Variants in ZNF609 observed in about 807,000 individuals in gnomAD.
ZNF609 encodes the protein zinc finger protein 609.
Under a neutral mutation model 109.5 loss-of-function variants are expected in ZNF609, and 11 were observed. The observed-to-expected ratio is 0.10, with a 90% confidence interval of 0.06 to 0.17. The LOEUF is 0.17. Among genes scored for constraint, ZNF609 ranks in the 10% least tolerant of loss-of-function variants. The pLI, the probability that ZNF609 is intolerant of heterozygous loss-of-function variation, is 1.00. For synonymous variants in ZNF609, 646 were observed against 662.0 expected (o/e 0.98, Z 0.37); for missense variants, 1,559 against 1,772.4 (o/e 0.88, Z 2.16).
intron 2 of ZNF609, among the ~76,000 whole-genome samples, chr15:64,612,216 C>T (rs371088054): frequency 1.9e-4 from 29 of 150,310 alleles, no homozygotes; most frequent in East Asian, 8.1e-4. Context: ...GGCGCGACCT[C>T]GGCTCACTGC....
At chr15:64,460,542 C>T (rs1326065700), upstream of ZNF609, among the ~76,000 whole-genome samples, 3 of 152,132 alleles carry the variant, frequency 2.0e-5, no homozygotes, top group East Asian at 5.8e-4. Context: ...ATCCGAGGGC[C>T]TGGCAGTCCA....
chr15:64,500,066 C>G lies in ZNF609; in HGVS notation c.647C>G (p.Ala216Gly). The G allele has an allele frequency of 6.2e-7, 1 of 1,614,120 alleles. No homozygotes were observed. The highest frequency in any genetic ancestry group is 8.5e-7 in the Non-Finnish European group (1 of 1,180,026). The stretch of plus-strand genomic sequence containing the variant: ...GCTGTGGAGCCACTTGGGAGTATAG[C>G]TATTGAGCCTGGGGCAGCGCTCAAT... ...TGAVEPLGSI[A>G]IEPGAALNPL... The change falls in exon 2 of 10, where the codon GCT (alanine) becomes GGT (glycine). Residue 216 changes from alanine (A) to glycine (G), a missense_variant. Physicochemically the swap from Ala to Gly is moderately conservative, Grantham distance 60. Coordinates refer to ENST00000326648, the MANE Select transcript of ZNF609 (RefSeq NM_015042.2).
At chr15:64,528,679 G>C in intron 2 of ZNF609, 1 of 1,165,290 alleles carries the variant, frequency 8.6e-7, no homozygotes, top group Non-Finnish European at 1.3e-6. Context: ...ACTCCTTGGA[G>C]GCATTGTGGG....
At chr15:64,543,761 C>A (rs1203073346) in intron 2 of ZNF609, among the ~76,000 whole-genome samples, 1 of 152,108 alleles carries the variant, frequency 6.6e-6, no homozygotes, top group Admixed American at 6.6e-5. Flanking sequence ...CTTTTTAAAT[C>A]AAAAACTAGT....
At chr15:64,541,883 C>T (rs1894271404) in intron 2 of ZNF609, among the ~76,000 whole-genome samples, 1 of 151,156 alleles carries the variant, frequency 6.6e-6, no homozygotes, top group Non-Finnish European at 1.5e-5. Context: ...TCTTCTCTTG[C>T]CCTTCCCTTT....
rs1421151409 is a variant in ZNF609 at position 64,685,384 on chromosome 15, C to G, written c.*3698C>G. 1.3e-5 allele frequency: 2 copies of G among 152,758 alleles called. No individual in the cohort carries two copies. Among genetic ancestry groups the G allele is most frequent in the African/African-American group, 4.8e-5 (2 of 41,432 alleles). 9.5% of individuals were successfully genotyped at this position (152,758 alleles called of 1,614,324 possible). A position where few individuals can be genotyped will look rare whatever the true frequency, so the allele number is the denominator to read the frequency against. On this transcript the variant is annotated 3_prime_UTR_variant, in exon 10 of 10. Transcript: ENST00000326648. The stretch of plus-strand genomic sequence containing the variant: ...GATCTTCCTGGCCCTGCTCCATATG[C>G]ATCCTCAGCTTCACTTTCCCTGGCT...
intron 2 of ZNF609, among the ~76,000 whole-genome samples, chr15:64,621,174 G>T (rs549340838): frequency 7.9e-5 from 12 of 152,308 alleles, no homozygotes; most frequent in African/African-American, 2.9e-4. Flanking sequence ...CTGCTGATTA[G>T]TATCATACTT....
intron 2 of ZNF609, among the ~76,000 whole-genome samples, chr15:64,576,546 G>A (rs1198724262): frequency 6.6e-6 from 1 of 152,098 alleles, no homozygotes; most frequent in South Asian, 2.1e-4. Context: ...TAACTTCCAT[G>A]CCCTATTCTA....
rs1317066693 is a variant in ZNF609 at position 64,460,846 on chromosome 15, C to T, written c.-128+8C>T. 4 of 143,086 alleles carry T rather than the reference C, an allele frequency of 2.8e-5. No individual in the cohort carries two copies. Among genetic ancestry groups the T allele is most frequent in the Admixed American group, 7.1e-5 (1 of 14,112 alleles). 8.9% of individuals were successfully genotyped at this position (143,086 alleles called of 1,614,324 possible). ...CCCGGGACCGGCCGCGCGGTGAGTCCGGAGCTTTGTGTGGAGCCGGGACTG... is the reference window on the plus strand; with the variant it reads ...CCCGGGACCGGCCGCGCGGTGAGTCTGGAGCTTTGTGTGGAGCCGGGACTG... On this transcript the variant is annotated splice_region_variant and intron_variant, in intron 1 of 9. Coordinates refer to ENST00000326648, the MANE Select transcript of ZNF609 (RefSeq NM_015042.2).
At chr15:64,476,922 C>T (rs1893178559) in intron 1 of ZNF609, among the ~76,000 whole-genome samples, 2 of 152,058 alleles carry the variant, frequency 1.3e-5, no homozygotes, top group Admixed American at 1.3e-4. Context: ...TAAAAATAAG[C>T]TTTCAAAGAG....
intron 3 of ZNF609, among the ~76,000 whole-genome samples, chr15:64,656,979 C>T (rs1896498038): frequency 6.6e-6 from 1 of 152,194 alleles, no homozygotes. Flanking sequence ...GTAGTATGGG[C>T]CAGGCACAGT....
intron 3 of ZNF609, among the ~76,000 whole-genome samples, chr15:64,660,529 G>A (rs1401644790): frequency 2.0e-5 from 3 of 152,132 alleles, no homozygotes; most frequent in African/African-American, 4.8e-5. Flanking sequence ...AAGTTATGAC[G>A]GAGACTGTGT....
intron 2 of ZNF609, among the ~76,000 whole-genome samples, chr15:64,612,771 T>C (rs1212451308): frequency 1.3e-5 from 2 of 152,064 alleles, no homozygotes; most frequent in East Asian, 3.9e-4. Flanking sequence ...TCCCAGTACT[T>C]TGGGAGGCCA....
intron 2 of ZNF609, among the ~76,000 whole-genome samples, chr15:64,597,461 C>G (rs1298570242): frequency 1.3e-5 from 2 of 152,138 alleles, no homozygotes; most frequent in African/African-American, 4.8e-5. Flanking sequence ...TGACCTGCAT[C>G]CTTGGGGTGG....
chr15:64,499,233 T>G, intron 1 of ZNF609, 60 bp from the exon 2 acceptor site: 1 of 676,054 alleles, frequency 1.5e-6, no homozygotes, highest in Non-Finnish European at 2.4e-6. Context: ...GGGAGTTTAT[T>G]TCAGGCGTCT....
chr15:64,495,634 T>A (rs1893471671), intron 1 of ZNF609, among the ~76,000 whole-genome samples: 1 of 151,952 alleles, frequency 6.6e-6, no homozygotes, highest in Non-Finnish European at 1.5e-5. Context: ...CTCCTGATCC[T>A]CAAGCGATCC....
intron 2 of ZNF609, chr15:64,529,211 G>T: frequency 2.7e-6 from 2 of 727,558 alleles, no homozygotes; most frequent in South Asian, 1.4e-5. Context: ...AGCAGTTGGT[G>T]ATGCAGGAGG....
At chr15:64,580,955 C>CTTTTTTTTTTTTTTTTT (rs57690590) in intron 2 of ZNF609, among the ~76,000 whole-genome samples, 1 of 58,744 alleles carries the variant, frequency 1.7e-5, no homozygotes, top group African/African-American at 7.8e-5. Context: ...TCAATGTCTT[C>CTTTTTTTTTTTTTTTTT]TTTTTTTTTT....
intron 2 of ZNF609, among the ~76,000 whole-genome samples, chr15:64,545,029 TTAAGA>T (rs1894332481): frequency 6.6e-6 from 1 of 152,192 alleles, no homozygotes; most frequent in African/African-American, 2.4e-5. Context: ...GTAAAAGAGA[TTAAGA>T]CTTGCTATTT....
Sources: allele counts gnomAD v4.1 joint callset (sites outside exome capture counted in the v4.1 genomes callset), GRCh38; gene constraint gnomAD v4.1.1; transcripts MANE v1.5; gene names NCBI Gene and HGNC (gene_info 2026-07-23, HGNC 2026-07-21).